The following GMIP variants were observed in gnomAD, a reference collection of about 807,000 sequenced individuals.
The protein encoded by GMIP is GEM interacting protein.
In GMIP, 54 loss-of-function variants were observed where a neutral mutation model predicts 105.3. The ratio of observed to expected loss-of-function variants is 0.51; its 90% CI spans 0.41 to 0.64. GMIP has a LOEUF of 0.64. Ranked by LOEUF, GMIP falls within the 30% of genes least tolerant of loss-of-function variation. The probability of loss-of-function intolerance (pLI) is 0.00; values close to 1 mark genes in which losing one functional copy is unlikely to be tolerated. For missense variants in GMIP, 1,110 were observed against 1,319.4 expected (o/e 0.84, Z 2.46); for synonymous variants, 541 against 560.8 (o/e 0.96, Z 0.50).
rs775487094 is a variant in GMIP at position 19,633,818 on chromosome 19, C to T, written c.2457G>A (p.Thr819=). The change falls in exon 19 of 21, where the codon ACG becomes ACA. Residue 819 remains threonine, a synonymous_variant. Transcript: ENST00000203556. The stretch of plus-strand genomic sequence containing the variant: ...GGGTTCTTACCTCGGTAGGTGTGGC[C>T]GTGGGATGCTGCTCCAGGGTACTGT... ...QHHSTLEQHP[T]ATPTEIPTPQ... The T allele has an allele frequency of 2.4e-5, 35 of 1,469,980 alleles. No individual in the cohort carries two copies. The highest frequency in any genetic ancestry group is 3.0e-5 in the Non-Finnish European group (33 of 1,109,974). 91.1% of individuals were successfully genotyped at this position (1,469,980 alleles called of 1,614,324 possible). A position where few individuals can be genotyped will look rare whatever the true frequency, so the allele number is the denominator to read the frequency against.
intron 4 of GMIP, 66 bp downstream of exon 4, chr19:19,641,744 A>G: frequency 1.8e-6 from 2 of 1,097,006 alleles, no homozygotes; most frequent in Non-Finnish European, 2.8e-6. Context: ...ACAGGGGATC[A>G]GTGGTGATTT....
At chr19:19,631,474 G>A (rs1676770460) in intron 19 of GMIP, among the ~76,000 whole-genome samples, 1 of 152,140 alleles carries the variant, frequency 6.6e-6, no homozygotes, top group Non-Finnish European at 1.5e-5. Flanking sequence ...ACTTTATGAG[G>A]CATTCCAGCT....
chr19:19,636,148 G>T (rs1423053943), intron 13 of GMIP, among the ~76,000 whole-genome samples: 3 of 150,980 alleles, frequency 2.0e-5, no homozygotes. Flanking sequence ...AGGTTGCAGT[G>T]AGCCAAGATC....
chr19:19,641,689 T>C (rs919529651), intron 4 of GMIP, 121 bp downstream of exon 4: 3 of 771,364 alleles, frequency 3.9e-6, no homozygotes, highest in Non-Finnish European at 2.3e-6. Flanking sequence ...AGATCTGTTG[T>C]GTGTACTGCC....
chr19:19,637,103 T>A lies in GMIP; in HGVS notation c.1125-74A>T. 4.0e-6 allele frequency: 4 copies of A among 1,000,192 alleles called. No homozygotes were observed. Among genetic ancestry groups the A allele is most frequent in the Non-Finnish European group, 6.1e-6 (4 of 655,762 alleles). The allele number at this position is 1,000,192 out of a possible 1,614,324, so 62.0% of individuals were successfully genotyped here. ...GGTGATGGCACCCAGGCATCATGTC[T>A]AGGTACCAACTCCAAGCACTTGGGT... On this transcript the variant is annotated intron_variant, in intron 11 of 20. Transcript: ENST00000203556. This position sits in a 1 kb window ranked among gnomAD's most constrained non-coding sequence, Gnocchi z 6.7.
chr19:19,630,157 T>C lies in GMIP; in HGVS notation c.2719A>G (p.Ser907Gly), dbSNP rs1223688459. ...ETPITSVPRG[S>G]LRGRGPSPAA... is the part of the protein sequence containing the mutation. Reference sequence around the variant, plus strand: ...GGGCTGGGCCCCCGCCCCCGCAAACTCCCTCTGGGCACTGATGTGATGGGG... The same window carrying C: ...GGGCTGGGCCCCCGCCCCCGCAAACCCCCTCTGGGCACTGATGTGATGGGG... Residue 907 changes from serine (S) to glycine (G), a missense_variant, in exon 21 of 21, where the codon AGT (serine) becomes GGT (glycine). Ser to Gly is a moderately conservative substitution (Grantham distance 56). Around this residue, in one of 3 missense-constraint regions of GMIP, gnomAD observed 394 missense variants for 450.5 expected, o/e 0.87. Coordinates refer to ENST00000203556, the MANE Select transcript of GMIP (RefSeq NM_016573.4). This position sits in a 1 kb window ranked among gnomAD's most constrained non-coding sequence, Gnocchi z 4.8. 1 of 1,604,558 alleles carries C rather than the reference T, an allele frequency of 6.2e-7. No individual in the cohort carries two copies.
intron 19 of GMIP, among the ~76,000 whole-genome samples, chr19:19,633,374 A>G (rs530570739): frequency 1.2e-4 from 19 of 152,154 alleles, no homozygotes; most frequent in African/African-American, 4.6e-4. Context: ...CTACCTTTTC[A>G]TGATCCATTA....
Position 19,635,700 on chromosome 19 carries a change from A to C in GMIP, c.1349T>G (p.Val450Gly). The stretch of plus-strand genomic sequence containing the variant: ...CTCAGTGCCTGTGGACGAAGCCTTC[A>C]CCAGCTGCCTCGTGCCAGCGCCTGG... Reference protein sequence around the residue: ...SSPGAGTRQLVKASSTGTESS... With the variant: ...SSPGAGTRQLGKASSTGTESS... Residue 450 changes from valine (V) to glycine (G), a missense_variant, in exon 14 of 21, where the codon GTG becomes GGG. Coordinates refer to ENST00000203556, the MANE Select transcript of GMIP (RefSeq NM_016573.4). This position sits in a 1 kb window ranked among gnomAD's most constrained non-coding sequence, Gnocchi z 4.7. 1 of 1,614,070 alleles carries C rather than the reference A, an allele frequency of 6.2e-7. No homozygotes were observed. Among genetic ancestry groups the C allele is most frequent in the Non-Finnish European group, 8.5e-7 (1 of 1,179,956 alleles).
Position 19,635,701 on chromosome 19 carries a change from C to G in GMIP, c.1348G>C (p.Val450Leu). The G allele has an allele frequency of 2.5e-6, 4 of 1,614,120 alleles. No homozygotes were observed. The highest frequency in any genetic ancestry group is 2.5e-6 in the Non-Finnish European group (3 of 1,179,972). Residue 450 changes from valine to leucine, a missense_variant, in exon 14 of 21, where the codon GTG becomes CTG. This residue lies in a region of GMIP where 667 missense variants were observed against 773.2 expected (regional missense o/e 0.86). Transcript: ENST00000203556. This position sits in a 1 kb window ranked among gnomAD's most constrained non-coding sequence, Gnocchi z 4.7. ...TCAGTGCCTGTGGACGAAGCCTTCACCAGCTGCCTCGTGCCAGCGCCTGGG... is the reference window on the plus strand; with the variant it reads ...TCAGTGCCTGTGGACGAAGCCTTCAGCAGCTGCCTCGTGCCAGCGCCTGGG... Reference protein sequence around the residue: ...SSPGAGTRQLVKASSTGTESS... With the variant: ...SSPGAGTRQLLKASSTGTESS...
chr19:19,643,240 C>T, intron 1 of GMIP: 1 of 445,658 alleles, frequency 2.2e-6, no homozygotes, highest in South Asian at 4.3e-5. Context: ...GCCCCCATCA[C>T]AAAAATCAGA....
chr19:19,630,351 G>T lies in GMIP; in HGVS notation c.2540-15C>A, dbSNP rs111721290. On this transcript the variant is annotated splice_polypyrimidine_tract_variant and intron_variant, in intron 20 of 20. Coordinates refer to ENST00000203556, the MANE Select transcript of GMIP (RefSeq NM_016573.4). The surrounding 1 kb of genome is among the most constrained non-coding windows in gnomAD (Gnocchi z 4.8). ...TTGGCTGGACACTGTGTACGGGGTG[G>T]GTGGTCAGTGCAGAGCACCTCCAAG... The T allele has an allele frequency of 3.6e-5, 55 of 1,545,916 alleles. No homozygotes were observed. The African/African-American group carries it at 4.4e-4, about 12-fold the overall frequency.
intron 7 of GMIP, 109 bp from the exon 8 acceptor site, chr19:19,638,591 AT>A (rs776778379): frequency 0.091 from 54,725 of 603,252 alleles, no homozygotes; most frequent in East Asian, 0.13. Context: ...TCTGGACTCT[AT>A]TTTTTTTTTT....
intron 1 of GMIP, chr19:19,643,124 C>T (rs2061941342): frequency 3.9e-6 from 1 of 255,546 alleles, no homozygotes; most frequent in East Asian, 7.5e-5. Flanking sequence ...CCCCCTGCCC[C>T]CTCTCCTAAG....
chr19:19,642,422 T>C (rs1380110062), intron 2 of GMIP, 113 bp downstream of exon 2: 2 of 700,130 alleles, frequency 2.9e-6, no homozygotes, highest in Non-Finnish European at 5.3e-6. Flanking sequence ...CTCTGGTTAT[T>C]AGGTATGTAG....
chr19:19,638,783 T>A (rs1260007792), intron 7 of GMIP, among the ~76,000 whole-genome samples: 1 of 150,772 alleles, frequency 6.6e-6, no homozygotes, highest in East Asian at 1.9e-4. Context: ...TTCTTCTTTT[T>A]TTTTTTTTTT....
At chr19:19,632,235 G>A (rs1011580043) in intron 19 of GMIP, among the ~76,000 whole-genome samples, 15 of 152,088 alleles carry the variant, frequency 9.9e-5, no homozygotes, top group Admixed American at 4.6e-4. Context: ...TGGAGGTTAC[G>A]GTGAACAGAG....
At chr19:19,642,440 T>A (rs2061932272) in intron 2 of GMIP, 95 bp downstream of exon 2, 1 of 749,980 alleles carries the variant, frequency 1.3e-6, no homozygotes, top group Non-Finnish European at 2.4e-6. Context: ...TAGGTCCAGA[T>A]GTTACAGGTT....
chr19:19,632,482 C>T (rs1301603610), intron 19 of GMIP, among the ~76,000 whole-genome samples: 1 of 151,862 alleles, frequency 6.6e-6, no homozygotes, highest in African/African-American at 2.4e-5. Context: ...TGTGGTGAGC[C>T]GAGATCGCAC....
rs2061949404 is a variant in GMIP, at chr19:19,643,608, T to G, written c.-79A>C. 11 of 1,320,248 alleles carry G rather than the reference T, an allele frequency of 8.3e-6. No homozygotes were observed. The highest frequency in any genetic ancestry group is 1.1e-5 in the Non-Finnish European group (11 of 966,562). 81.8% of individuals were successfully genotyped at this position (1,320,248 alleles called of 1,614,324 possible). ...CCGGCGGGGCCGAGCCCCGATTTCC[T>G]GCCGCCGCAGCCGCCGCCGCCGCCT... On this transcript the variant is annotated 5_prime_UTR_variant, in exon 1 of 21. Coordinates refer to ENST00000203556, the MANE Select transcript of GMIP (RefSeq NM_016573.4).
Sources: gnomAD v4.1 joint callset for allele counts (sites outside exome capture counted in the v4.1 genomes callset) on GRCh38, gnomAD v4.1.1 for gene constraint, gnomAD v4.1.1 regional missense constraint, Gnocchi (gnomAD v3.1) non-coding constraint, MANE v1.5 for transcripts, NCBI Gene and HGNC (gene_info 2026-07-23, HGNC 2026-07-21) for gene names.